Variants in ACSS3 observed in about 807,000 individuals in gnomAD.
The protein encoded by ACSS3 is acyl-CoA synthetase short chain family member 3.
A neutral mutation model predicts 84.2 loss-of-function variants in ACSS3; 64 were observed. The ratio of observed to expected loss-of-function variants is 0.76; its 90% CI spans 0.62 to 0.94. The LOEUF (loss-of-function observed/expected upper bound fraction) is 0.94, where lower values mean the gene tolerates loss of function less well. ACSS3 is among the 40% of genes least tolerant of loss of function. The probability of loss-of-function intolerance (pLI) is 0.00; values close to 1 mark genes in which losing one functional copy is unlikely to be tolerated. For missense variants in ACSS3, 815 were observed against 867.6 expected (o/e 0.94, Z 0.76); for synonymous variants, 317 against 310.1 (o/e 1.02, Z -0.23).
At chr12:81,132,465 G>A (rs1001827197) in intron 2 of ACSS3, among the ~76,000 whole-genome samples, 66 of 151,748 alleles carry the variant, frequency 4.3e-4, no homozygotes, top group African/African-American at 1.5e-3. Context: ...CTGTGGGATC[G>A]GTGGTGATAT....
intron 15 of ACSS3, among the ~76,000 whole-genome samples, chr12:81,254,072 A>G (rs141577290): frequency 2.0e-3 from 301 of 152,166 alleles, no homozygotes; most frequent in African/African-American, 6.9e-3. Flanking sequence ...CTACAGGTGC[A>G]TGCAACTGTG....
chr12:81,157,988 G>A (rs1886967153), intron 7 of ACSS3, among the ~76,000 whole-genome samples: 1 of 150,256 alleles, frequency 6.7e-6, no homozygotes, highest in African/African-American at 2.5e-5. Context: ...TAACTAATAA[G>A]TGAGTTCAAC....
At chr12:81,097,806 C>T (rs1360754694) in intron 1 of ACSS3, among the ~76,000 whole-genome samples, 1 of 152,112 alleles carries the variant, frequency 6.6e-6, no homozygotes, top group Non-Finnish European at 1.5e-5. Flanking sequence ...ACTCAGAGCC[C>T]AACTAACACT....
chr12:81,217,286 T>C (rs763632413), intron 10 of ACSS3, among the ~76,000 whole-genome samples: 2 of 152,182 alleles, frequency 1.3e-5, no homozygotes, highest in Non-Finnish European at 2.9e-5. Flanking sequence ...AGCCCAGTAC[T>C]TTATATATGT....
chr12:81,257,868 G>GCAT lies in ACSS3; in HGVS notation c.*2949_*2951dup, dbSNP rs2034367891. On this transcript the variant is annotated 3_prime_UTR_variant, in exon 16 of 16. Transcript: ENST00000548058. ...TTTGAGGGAAATACCTGGATCTTTT[G>GCAT]CATCACTATATGTTAGTGTCTATTA... 2 of 151,916 alleles carry GCAT rather than the reference G, an allele frequency of 1.3e-5. No individual in the cohort carries two copies. Among genetic ancestry groups the GCAT allele is most frequent in the South Asian group, 4.2e-4 (2 of 4,812 alleles). 9.4% of individuals were successfully genotyped at this position (151,916 alleles called of 1,614,324 possible).
At chr12:81,245,354 C>T (rs1043462893) in intron 13 of ACSS3, among the ~76,000 whole-genome samples, 4 of 152,122 alleles carry the variant, frequency 2.6e-5, no homozygotes, top group African/African-American at 4.8e-5. Flanking sequence ...CCCAACTACT[C>T]GGGAGGCTGA....
At chr12:81,147,341 C>T (rs1187237637) in intron 5 of ACSS3, among the ~76,000 whole-genome samples, 3 of 152,140 alleles carry the variant, frequency 2.0e-5, no homozygotes, top group Admixed American at 6.5e-5. Context: ...ATTGTTCACA[C>T]GGGTTTATAC....
At chr12:81,083,845 C>T (rs74664034) in intron 1 of ACSS3, among the ~76,000 whole-genome samples, 22,875 of 151,966 alleles carry the variant, frequency 0.15, 1,871 homozygotes, top group South Asian at 0.26. Flanking sequence ...TGGCACACAC[C>T]GGTAATCCTA....
Position 81,078,372 on chromosome 12 carries a change from C to G in ACSS3, c.252C>G (p.Ile84Met). 6.2e-7 allele frequency: 1 copy of G among 1,612,754 alleles called. No homozygotes were observed. Residue 84 changes from isoleucine to methionine, a missense_variant, in exon 1 of 16, where the codon ATC becomes ATG. Ile to Met is a conservative substitution (Grantham distance 10). Transcript: ENST00000548058. ...ERFWGKAAEQ[I>M]SWYKPWTKTL... ...TCTGGGGCAAAGCTGCCGAGCAGAT[C>G]AGCTGGTACAAGCCCTGGACCAAAA...
chr12:81,178,966 G>C (rs1288261806), intron 8 of ACSS3, among the ~76,000 whole-genome samples: 1 of 152,008 alleles, frequency 6.6e-6, no homozygotes, highest in African/African-American at 2.4e-5. Context: ...CAGAGGAACA[G>C]GTTAGAGAAC....
intron 7 of ACSS3, among the ~76,000 whole-genome samples, chr12:81,167,806 A>G: frequency 6.6e-6 from 1 of 152,188 alleles, no homozygotes; most frequent in Non-Finnish European, 1.5e-5. Flanking sequence ...CAAAAATAAT[A>G]GATTTATAGA....
chr12:81,142,107 T>A (rs1224529997), intron 4 of ACSS3, among the ~76,000 whole-genome samples: 1 of 152,220 alleles, frequency 6.6e-6, no homozygotes, highest in Non-Finnish European at 1.5e-5. Flanking sequence ...GGCTTGTCTT[T>A]TCTAAATTTT....
intron 7 of ACSS3, among the ~76,000 whole-genome samples, chr12:81,161,693 T>C: frequency 6.6e-6 from 1 of 152,322 alleles, no homozygotes; most frequent in East Asian, 1.9e-4. Flanking sequence ...TACTTGAGCC[T>C]GCTGGGCTCT....
intron 4 of ACSS3, among the ~76,000 whole-genome samples, chr12:81,140,154 A>G (rs1886023510): frequency 6.6e-6 from 1 of 152,190 alleles, no homozygotes; most frequent in Non-Finnish European, 1.5e-5. Flanking sequence ...TGTCTTCTTA[A>G]AATTTTGAAG....
intron 1 of ACSS3, among the ~76,000 whole-genome samples, chr12:81,086,169 A>G (rs6539555): frequency 0.32 from 48,410 of 152,034 alleles, 8,029 homozygotes; most frequent in Admixed American, 0.44. Flanking sequence ...TGAGAGTGTT[A>G]TATAAAGAGG....
At chr12:81,116,221 C>A (rs955825714) in intron 2 of ACSS3, among the ~76,000 whole-genome samples, 2 of 151,906 alleles carry the variant, frequency 1.3e-5, no homozygotes, top group African/African-American at 4.8e-5. Context: ...GTTTAAAGTA[C>A]TTTACAACTT....
At chr12:81,144,861 A>G (rs1566001740) in intron 5 of ACSS3, among the ~76,000 whole-genome samples, 2 of 151,514 alleles carry the variant, frequency 1.3e-5, no homozygotes, top group African/African-American at 4.8e-5. Flanking sequence ...GTTCCAAATA[A>G]GGATGGACCC....
chr12:81,111,017 G>A (rs770550128), intron 2 of ACSS3, among the ~76,000 whole-genome samples: 6 of 152,072 alleles, frequency 3.9e-5, no homozygotes, highest in South Asian at 4.1e-4. Context: ...CTAAAGGATC[G>A]CCTTTCCAGT....
At chr12:81,081,491 G>C (rs1324059601) in intron 1 of ACSS3, among the ~76,000 whole-genome samples, 1 of 152,146 alleles carries the variant, frequency 6.6e-6, no homozygotes, top group African/African-American at 2.4e-5. Context: ...TGCAATCATA[G>C]TAATTTCTTC....
Sources: allele counts gnomAD v4.1 joint callset (sites outside exome capture counted in the v4.1 genomes callset), GRCh38; gene constraint gnomAD v4.1.1; transcripts MANE v1.5; gene names NCBI Gene and HGNC (gene_info 2026-07-23, HGNC 2026-07-21).